The following CGGBP1 variants were observed in gnomAD, a reference collection of about 807,000 sequenced individuals.
CGGBP1 encodes CGG triplet repeat-binding protein 1.
Under a neutral mutation model 11.4 loss-of-function variants are expected in CGGBP1, and 4 were observed. The ratio of observed to expected loss-of-function variants is 0.35; its 90% confidence interval spans 0.17 to 0.80. CGGBP1 has a LOEUF of 0.80. Among genes scored for constraint, CGGBP1 ranks in the 30% least tolerant of loss-of-function variants. The probability of loss-of-function intolerance (pLI) is 0.52; values close to 1 mark genes in which losing one functional copy is unlikely to be tolerated. For synonymous variants in CGGBP1, 76 were observed against 74.1 expected, an observed-to-expected ratio of 1.03 and a Z score of -0.13; for missense variants, 135 against 202.1, an observed-to-expected ratio of 0.67 and a Z score of 2.01.
intron 3 of CGGBP1, 23 bp downstream of exon 3, chr3:88,057,168 T>C (rs1051919846): frequency 4.6e-5 from 7 of 152,182 alleles, no homozygotes; most frequent in Admixed American, 2.0e-4. Flanking sequence ...TCAGAAACGA[T>C]GGAGTATTCC....
intron 2 of CGGBP1, among the ~76,000 whole-genome samples, chr3:88,099,381 T>C (rs7635996): frequency 0.78 from 119,206 of 152,154 alleles, 47,620 homozygotes; most frequent in South Asian, 0.91. Context: ...GAATCAATAT[T>C]GTGAAAACGG....
At chr3:88,116,491 T>G (rs919526121) in intron 2 of CGGBP1, among the ~76,000 whole-genome samples, 1 of 150,904 alleles carries the variant, frequency 6.6e-6, no homozygotes, top group African/African-American at 2.4e-5. Context: ...TCGCACTCCA[T>G]CCAGCCAGGG....
intron 1 of CGGBP1, among the ~76,000 whole-genome samples, chr3:88,148,229 T>C (rs1179973548): frequency 2.6e-5 from 4 of 152,216 alleles, no homozygotes; most frequent in African/African-American, 9.6e-5. Flanking sequence ...GCCGACTATA[T>C]AGTTTCTTAC....
upstream of CGGBP1, among the ~76,000 whole-genome samples, chr3:88,062,842 A>G (rs1706964761): frequency 6.6e-6 from 1 of 152,240 alleles, no homozygotes; most frequent in Non-Finnish European, 1.5e-5. Flanking sequence ...GCACACAGAT[A>G]GACTTAAATA....
At chr3:88,136,654 T>C (rs1303903549) in intron 2 of CGGBP1, among the ~76,000 whole-genome samples, 1 of 152,106 alleles carries the variant, frequency 6.6e-6, no homozygotes, top group East Asian at 1.9e-4. Context: ...AGCAGAGAAA[T>C]ATGGGGAAGT....
At chr3:88,119,750 C>T (rs542334646) in intron 2 of CGGBP1, among the ~76,000 whole-genome samples, 45 of 152,054 alleles carry the variant, frequency 3.0e-4, no homozygotes, top group Non-Finnish European at 5.1e-4. Context: ...AGGATGATGA[C>T]AGTTGTTAGA....
upstream of CGGBP1, among the ~76,000 whole-genome samples, chr3:88,060,137 C>G (rs985283695): frequency 5.9e-5 from 9 of 152,038 alleles, no homozygotes; most frequent in Admixed American, 5.9e-4. Context: ...TAACCTCCTT[C>G]GGTTGACACA....
At chr3:88,095,020 A>G (rs1396416299) in intron 2 of CGGBP1, among the ~76,000 whole-genome samples, 1 of 152,184 alleles carries the variant, frequency 6.6e-6, no homozygotes, top group Non-Finnish European at 1.5e-5. Context: ...TTTGCTGTAT[A>G]AGAAGCAATG....
At chr3:88,095,379 C>T (rs1703997012) in intron 2 of CGGBP1, 1 of 327,330 alleles carries the variant, frequency 3.1e-6, no homozygotes, top group African/African-American at 2.2e-5. Flanking sequence ...GTATTATGTA[C>T]TAAGAGAAGT....
At chr3:88,129,768 C>A in intron 2 of CGGBP1, 9 of 1,528,234 alleles carry the variant, frequency 5.9e-6, no homozygotes, top group Non-Finnish European at 7.0e-6. Flanking sequence ...GTTAGCCTTG[C>A]AACTCTGTGA....
chr3:88,081,796 T>C (rs535229298), intron 2 of CGGBP1, among the ~76,000 whole-genome samples: 12 of 152,332 alleles, frequency 7.9e-5, no homozygotes, highest in African/African-American at 2.2e-4. Flanking sequence ...GTTCCTTTTA[T>C]TGGAGAATGG....
intron 2 of CGGBP1, among the ~76,000 whole-genome samples, chr3:88,076,311 C>T (rs1707798289): frequency 6.6e-6 from 1 of 152,114 alleles, no homozygotes; most frequent in African/African-American, 2.4e-5. Flanking sequence ...ACCTTCTGTC[C>T]CTCAGTTAGG....
chr3:88,108,203 GTT>G (rs879906166), intron 2 of CGGBP1, among the ~76,000 whole-genome samples: 2 of 146,228 alleles, frequency 1.4e-5, no homozygotes, highest in Non-Finnish European at 3.0e-5. Context: ...TTTCAAAGTA[GTT>G]TTTTTTTTTT....
chr3:88,060,738 T>C (rs188204633), upstream of CGGBP1, among the ~76,000 whole-genome samples: 86 of 152,274 alleles, frequency 5.6e-4, no homozygotes, highest in Admixed American at 1.3e-3. Flanking sequence ...ATGGACATCA[T>C]GTTTGCTGAC....
At chr3:88,069,800 C>T (rs1358289710) in intron 2 of CGGBP1, among the ~76,000 whole-genome samples, 1 of 152,110 alleles carries the variant, frequency 6.6e-6, no homozygotes, top group Non-Finnish European at 1.5e-5. Flanking sequence ...GACTGCAAAC[C>T]AGTAGAAGTT....
chr3:88,113,310 GGTGACA>G, intron 2 of CGGBP1: 7 of 576,146 alleles, frequency 1.2e-5, no homozygotes, highest in Non-Finnish European at 2.0e-5. Flanking sequence ...TGATTGCTAA[GGTGACA>G]GTGTTTAAGA....
intron 1 of CGGBP1, among the ~76,000 whole-genome samples, chr3:88,146,661 A>T (rs1379648070): frequency 6.6e-6 from 1 of 152,182 alleles, no homozygotes; most frequent in Non-Finnish European, 1.5e-5. Flanking sequence ...GGCTCCAGTC[A>T]TATTTAAACC....
At chr3:88,124,458 A>G (rs767066291) in intron 2 of CGGBP1, among the ~76,000 whole-genome samples, 2 of 152,176 alleles carry the variant, frequency 1.3e-5, no homozygotes, top group Non-Finnish European at 2.9e-5. Context: ...TTCTTCTACT[A>G]CTTTCTTCTC....
intron 2 of CGGBP1, among the ~76,000 whole-genome samples, chr3:88,133,912 ATGT>A (rs1475871475): frequency 6.6e-6 from 1 of 152,166 alleles, no homozygotes; most frequent in Non-Finnish European, 1.5e-5. Context: ...GAATAGAGGA[ATGT>A]TTAGTGTCAC....
Sources: allele counts gnomAD v4.1 joint callset (sites outside exome capture counted in the v4.1 genomes callset), GRCh38; gene constraint gnomAD v4.1.1; transcripts MANE v1.5; gene names NCBI Gene and HGNC (gene_info 2026-07-23, HGNC 2026-07-21).